IL31RA: variants seen among roughly 807,000 people sequenced by gnomAD.
The protein encoded by IL31RA is interleukin-31 receptor subunit alpha.
Under a neutral mutation model 83.7 loss-of-function variants are expected in IL31RA, and 66 were observed. The ratio of observed to expected loss-of-function variants is 0.79; its 90% confidence interval spans 0.65 to 0.97. IL31RA has a LOEUF of 0.97. IL31RA is among the 50% of genes least tolerant of loss of function. The pLI, the probability that IL31RA is intolerant of heterozygous loss-of-function variation, is 0.00. For missense variants in IL31RA, 798 were observed against 919.4 expected (o/e 0.87, Z 1.71); for synonymous variants, 325 against 329.0 (o/e 0.99, Z 0.13).
rs1160550695 is a variant in IL31RA, at chr5:55,916,867, C to T, written c.2042C>T (p.Pro681Leu). 6.2e-7 allele frequency: 1 copy of T among 1,614,044 alleles called. No homozygotes were observed. Among genetic ancestry groups the T allele is most frequent in the East Asian group, 2.2e-5 (1 of 44,872 alleles). Residue 681 changes from proline to leucine, a missense_variant, in exon 15 of 15, where the codon CCC becomes CTC. Physicochemically the swap from Pro to Leu is moderately conservative, Grantham distance 98 (BLOSUM62 -3). Transcript: ENST00000652347. ...ACCTGCCCCTTCAGGCCTGATTGTC[C>T]CCTGGGGAAAAGTTTTGAGGAGCTC... ...YVTCPFRPDC[P>L]LGKSFEELPV...
At chr5:55,871,044 T>C (rs925300021) in intron 3 of IL31RA, among the ~76,000 whole-genome samples, 1 of 152,230 alleles carries the variant, frequency 6.6e-6, no homozygotes, top group African/African-American at 2.4e-5. Flanking sequence ...TAAAAGTGCC[T>C]TATGTGTATT....
At chr5:55,886,268 C>CTTGCTTTTTT (rs1235138364) in intron 5 of IL31RA, among the ~76,000 whole-genome samples, 1 of 71,508 alleles carries the variant, frequency 1.4e-5, no homozygotes, top group African/African-American at 7.3e-5. Flanking sequence ...TGCTTGCTTG[C>CTTGCTTTTTT]TTTTTTTTTT....
intron 5 of IL31RA, among the ~76,000 whole-genome samples, chr5:55,883,403 C>T (rs531602170): frequency 6.6e-6 from 1 of 152,294 alleles, no homozygotes; most frequent in African/African-American, 2.4e-5. Context: ...TTTTTGCCTT[C>T]TGAGCACAGG....
chr5:55,884,643 A>G (rs1277007940), intron 5 of IL31RA, among the ~76,000 whole-genome samples: 1 of 151,978 alleles, frequency 6.6e-6, no homozygotes, highest in Non-Finnish European at 1.5e-5. Flanking sequence ...TTGGTCTGGA[A>G]CTCCTGGTCT....
intron 13 of IL31RA, 123 bp from the exon 14 acceptor site, chr5:55,914,724 A>G: frequency 1.3e-6 from 1 of 777,308 alleles, no homozygotes; most frequent in Non-Finnish European, 2.3e-6. Context: ...TTAGGCAGAC[A>G]TGCCCTTATT....
rs548541396 is a variant in IL31RA at position 55,884,157 on chromosome 5, G to A, written c.606+962G>A. On this transcript the variant is annotated intron_variant, in intron 5 of 14. Coordinates refer to ENST00000652347, the MANE Select transcript of IL31RA (RefSeq NM_139017.7). Reference sequence around the variant, plus strand: ...GCCTGATTTTTCAATTGATTTGTAGGCATTCCTTACATATTCTATTTATGA... The same window carrying A: ...GCCTGATTTTTCAATTGATTTGTAGACATTCCTTACATATTCTATTTATGA... Among the ~76,000 whole-genome samples, 4 of 152,192 alleles carry A rather than the reference G, an allele frequency of 2.6e-5. No individual in the cohort carries two copies. The South Asian group carries it at 8.3e-4, about 32-fold the overall frequency.
intron 4 of IL31RA, among the ~76,000 whole-genome samples, chr5:55,874,435 C>T (rs1746711468): frequency 6.6e-6 from 1 of 152,046 alleles, no homozygotes; most frequent in Non-Finnish European, 1.5e-5. Context: ...TCAATTTCTG[C>T]AGAGAAGTCA....
Position 55,851,473 on chromosome 5 carries a change from C to A in IL31RA, c.-98C>A. 1.2e-6 allele frequency: 2 copies of A among 1,609,792 alleles called. No homozygotes were observed. Among genetic ancestry groups the A allele is most frequent in the Non-Finnish European group, 1.7e-6 (2 of 1,176,930 alleles). ...AAATTGCAAAAAAAAATAGTAATAA[C>A]CAGCATGGCACTAAATAGACCATGA... is the stretch of plus-strand genomic sequence containing the variant. On this transcript the variant is annotated 5_prime_UTR_variant, in exon 1 of 15. Transcript: ENST00000652347.
chr5:55,908,331 AAG>A lies in IL31RA; in HGVS notation c.1425_1426del (p.Glu475AspfsTer5). ...GTGAAGACGGTCACGATCACATGGA[AAG>A]AGATTCCCAAGAGTGAGAGAAAGGG... On this transcript the variant is annotated frameshift_variant, in exon 11 of 15. Coordinates refer to ENST00000652347, the MANE Select transcript of IL31RA (RefSeq NM_139017.7). LOFTEE classifies it high-confidence loss of function. 6.2e-7 allele frequency: 1 copy of A among 1,614,216 alleles called. No individual in the cohort carries two copies. The highest frequency in any genetic ancestry group is 8.5e-7 in the Non-Finnish European group (1 of 1,180,054).
intron 3 of IL31RA, among the ~76,000 whole-genome samples, chr5:55,871,317 G>C (rs1580675775): frequency 6.6e-6 from 1 of 152,146 alleles, no homozygotes; most frequent in Non-Finnish European, 1.5e-5. Flanking sequence ...ATGATTCTAT[G>C]TGTCTATGTC....
At chr5:55,874,487 A>T (rs1746714991) in intron 4 of IL31RA, among the ~76,000 whole-genome samples, 1 of 152,134 alleles carries the variant, frequency 6.6e-6, no homozygotes, top group Admixed American at 6.5e-5. Flanking sequence ...CATAATAAAC[A>T]ATCTTCCAAT....
chr5:55,901,378 G>A (rs1309526551), intron 8 of IL31RA, among the ~76,000 whole-genome samples: 2 of 151,972 alleles, frequency 1.3e-5, no homozygotes, highest in Admixed American at 1.3e-4. Flanking sequence ...TAAAAGCATG[G>A]GCTTTGGAGT....
intron 4 of IL31RA, among the ~76,000 whole-genome samples, chr5:55,878,409 G>A (rs1356967263): frequency 6.6e-6 from 1 of 152,066 alleles, no homozygotes; most frequent in East Asian, 1.9e-4. Flanking sequence ...CTGTTTCTTT[G>A]TATGCCTTGC....
intron 7 of IL31RA, among the ~76,000 whole-genome samples, chr5:55,898,681 GATTTTAAAT>G (rs11277619): frequency 0.047 from 6,935 of 148,628 alleles, 431 homozygotes; most frequent in African/African-American, 0.13. Context: ...TTTTTAAAAA[GATTTTAAAT>G]AACATATTAA....
chr5:55,847,284 TAAAA>T (rs1202366635), upstream of IL31RA, among the ~76,000 whole-genome samples: 5 of 125,772 alleles, frequency 4.0e-5, no homozygotes, highest in African/African-American at 8.9e-5. Flanking sequence ...AATAAATAAA[TAAAA>T]AGAAAAGAAA....
upstream of IL31RA, among the ~76,000 whole-genome samples, chr5:55,847,336 T>C (rs1250989684): frequency 6.6e-6 from 1 of 151,938 alleles, no homozygotes; most frequent in Non-Finnish European, 1.5e-5. Flanking sequence ...GGCTCACACC[T>C]GTAATCCCAG....
chr5:55,878,209 T>A (rs1314221085), intron 4 of IL31RA, among the ~76,000 whole-genome samples: 6 of 152,240 alleles, frequency 3.9e-5, no homozygotes, highest in Non-Finnish European at 7.3e-5. Context: ...ATATTTTTGT[T>A]GATATTCTCA....
upstream of IL31RA, among the ~76,000 whole-genome samples, chr5:55,850,819 G>A (rs1302693398): frequency 1.3e-5 from 2 of 152,218 alleles, no homozygotes; most frequent in Admixed American, 1.3e-4. Context: ...TGCTGAGCGT[G>A]GTGGCTCATG....
chr5:55,917,846 C>CAG lies in IL31RA; in HGVS notation c.*726_*727insAG, dbSNP rs1245898838. Among the ~76,000 whole-genome samples, 7 of 140,896 alleles carry CAG rather than the reference C, an allele frequency of 5.0e-5. No individual in the cohort carries two copies. The highest frequency in any genetic ancestry group is 1.1e-4 in the Non-Finnish European group (7 of 62,928). 92.4% of individuals were successfully genotyped at this position (140,896 alleles called of 152,430 possible). A position where few individuals can be genotyped will look rare whatever the true frequency, so the allele number is the denominator to read the frequency against. ...TGTCCAGTCTCCAGGGGGCCACTTC[C>CAG]CAGCTGCTGCTGCCCTTCTATTCAG... On this transcript the variant is annotated 3_prime_UTR_variant, in exon 15 of 15. Coordinates refer to ENST00000652347, the MANE Select transcript of IL31RA (RefSeq NM_139017.7).
Sources: allele counts gnomAD v4.1 joint callset (sites outside exome capture counted in the v4.1 genomes callset), GRCh38; gene constraint gnomAD v4.1.1; transcripts MANE v1.5; gene names NCBI Gene and HGNC (gene_info 2026-07-23, HGNC 2026-07-21).